Variants in TRIM37 observed in about 807,000 individuals in gnomAD.
TRIM37 encodes the protein E3 ubiquitin-protein ligase TRIM37.
Under a neutral mutation model 129.8 loss-of-function variants are expected in TRIM37, and 80 were observed. The observed-to-expected ratio is 0.62, with a 90% confidence interval of 0.51 to 0.74. The LOEUF is 0.74. TRIM37 is among the 30% of genes least tolerant of loss of function. The pLI, the probability that TRIM37 is intolerant of heterozygous loss-of-function variation, is 0.00. For missense variants in TRIM37, 1,054 were observed against 1,176.5 expected (o/e 0.90, Z 1.52); for synonymous variants, 389 against 387.1 (o/e 1.00, Z -0.06).
At chr17:59,088,104 CTG>C (rs781423523) in intron 4 of TRIM37, 185 bp downstream of exon 4, 54 of 617,028 alleles carry the variant, frequency 8.8e-5, no homozygotes, top group Non-Finnish European at 1.5e-4. Flanking sequence ...CATGAAATAA[CTG>C]TTGTTAAATA....
At chr17:59,091,576 T>TATAA (rs1322904700) in intron 2 of TRIM37, among the ~76,000 whole-genome samples, 2 of 120,104 alleles carry the variant, frequency 1.7e-5, no homozygotes, top group Non-Finnish European at 3.3e-5. Context: ...ATAATATATA[T>TATAA]AATGTATAAT....
downstream of TRIM37, among the ~76,000 whole-genome samples, chr17:58,978,853 G>A (rs2031188207): frequency 6.6e-6 from 1 of 152,110 alleles, no homozygotes; most frequent in Non-Finnish European, 1.5e-5. Context: ...GAAGTGCTCT[G>A]GATCTGAAAG....
At position 59,088,333 on chromosome 17, in the gene TRIM37, T is replaced by G; in HGVS notation, c.239A>C (p.Gln80Pro). 1.2e-6 allele frequency: 2 copies of G among 1,613,766 alleles called. No homozygotes were observed. Among genetic ancestry groups the G allele is most frequent in the Non-Finnish European group, 1.7e-6 (2 of 1,179,764 alleles). The change falls in exon 4 of 24, where the codon CAA becomes CCA. Residue 80 changes from glutamine to proline, a missense_variant. Around this residue, in one of 3 missense-constraint regions of TRIM37, gnomAD observed 752 missense variants for 870.8 expected, o/e 0.86. Transcript: ENST00000262294. Reference protein sequence around the residue: ...EEVTQQLDTLQLCSLTKHEEN... With the variant: ...EEVTQQLDTLPLCSLTKHEEN... ...TTCATGTTTGGTGAGACTGCAGAGT[T>G]GAAGAGTATCAAGCTGTTGTGTTAC...
intron 15 of TRIM37, 131 bp downstream of exon 15, chr17:59,049,047 C>T: frequency 2.7e-6 from 2 of 744,398 alleles, no homozygotes; most frequent in East Asian, 2.7e-5. Context: ...TAAGGGCATA[C>T]ATACATTACT....
At chr17:59,020,960 C>G (rs1049553037) in intron 19 of TRIM37, among the ~76,000 whole-genome samples, 11 of 152,194 alleles carry the variant, frequency 7.2e-5, no homozygotes, top group African/African-American at 1.7e-4. Flanking sequence ...TATGATCCAG[C>G]AATCCCACTG....
chr17:59,001,151 C>T (rs986465004), intron 23 of TRIM37, among the ~76,000 whole-genome samples: 13 of 148,730 alleles, frequency 8.7e-5, no homozygotes, highest in African/African-American at 1.5e-4. Flanking sequence ...GCCAAGATCA[C>T]GCCACAGCAC....
At chr17:59,003,922 T>TAACA (rs1555634218) in intron 22 of TRIM37, among the ~76,000 whole-genome samples, 11 of 89,580 alleles carry the variant, frequency 1.2e-4, no homozygotes, top group Non-Finnish European at 2.0e-4. Flanking sequence ...CCCATCTCTA[T>TAACA]AAAAAAAAAA....
intron 2 of TRIM37, among the ~76,000 whole-genome samples, chr17:59,091,855 T>G (rs1227399288): frequency 6.6e-6 from 1 of 151,370 alleles, no homozygotes; most frequent in African/African-American, 2.4e-5. Flanking sequence ...CAGGACTAAC[T>G]GATTCTCACA....
downstream of TRIM37, among the ~76,000 whole-genome samples, chr17:58,979,719 G>A (rs1056335882): frequency 1.3e-5 from 2 of 152,224 alleles, no homozygotes; most frequent in Admixed American, 6.5e-5. Context: ...AGCCAGAGGT[G>A]CAGATTCAGA....
intron 12 of TRIM37, among the ~76,000 whole-genome samples, chr17:59,057,610 GC>G (rs936551005): frequency 1.3e-5 from 2 of 152,146 alleles, no homozygotes; most frequent in Admixed American, 6.5e-5. Flanking sequence ...TGCAACCTCT[GC>G]CCCCCAGTTC....
At chr17:59,044,387 C>T (rs1300224303) in intron 16 of TRIM37, among the ~76,000 whole-genome samples, 4 of 151,856 alleles carry the variant, frequency 2.6e-5, no homozygotes, top group Admixed American at 2.6e-4. Flanking sequence ...ATTGCAAAAC[C>T]CTGTCTCTAC....
intron 24 of TRIM37, among the ~76,000 whole-genome samples, chr17:58,987,418 G>C (rs2031921290): frequency 6.6e-6 from 1 of 152,146 alleles, no homozygotes; most frequent in Admixed American, 6.5e-5. Flanking sequence ...GAAGGTCTCG[G>C]GCAAGGACTC....
chr17:59,095,959 A>G (rs2044813801), intron 2 of TRIM37, among the ~76,000 whole-genome samples: 1 of 152,116 alleles, frequency 6.6e-6, no homozygotes, highest in Admixed American at 6.6e-5. Context: ...GGCTCAAACA[A>G]TCCTCCATCT....
intron 3 of TRIM37, among the ~76,000 whole-genome samples, chr17:59,088,836 TAAAA>T (rs1037373593): frequency 1.3e-5 from 2 of 149,580 alleles, no homozygotes; most frequent in Admixed American, 6.7e-5. Flanking sequence ...AAATAAAAAA[TAAAA>T]AAAAAGACAA....
chr17:59,054,624 G>A (rs2146284620), intron 13 of TRIM37, among the ~76,000 whole-genome samples: 1 of 150,414 alleles, frequency 6.6e-6, no homozygotes, highest in South Asian at 2.1e-4. Flanking sequence ...CTTCTGACCT[G>A]TAAAGACTAC....
intron 22 of TRIM37, among the ~76,000 whole-genome samples, chr17:59,007,231 CCACA>C (rs35675752): frequency 1.0e-5 from 1 of 97,500 alleles, no homozygotes; most frequent in Non-Finnish European, 2.0e-5. Context: ...CCCCACCCAC[CCACA>C]CACACACACA....
intron 9 of TRIM37, among the ~76,000 whole-genome samples, chr17:59,066,703 A>C (rs930866306): frequency 1.3e-4 from 20 of 152,208 alleles, no homozygotes; most frequent in Non-Finnish European, 2.2e-4. Context: ...ACATTCTCCT[A>C]GGGAAAATTT....
chr17:59,047,968 A>G, intron 15 of TRIM37, 149 bp from the exon 16 acceptor site: 1 of 893,780 alleles, frequency 1.1e-6, no homozygotes, highest in Non-Finnish European at 1.8e-6. Flanking sequence ...TGAGCCCTGT[A>G]GAGAAAAATC....
At position 59,004,706 on chromosome 17, in the gene TRIM37, T is replaced by C. The variant is rs570137347; in HGVS notation, c.2696-2992A>G. Among the ~76,000 whole-genome samples the C allele has an allele frequency of 7.9e-5, 12 of 152,328 alleles. No individual in the cohort carries two copies. The East Asian group carries it at 2.3e-3, about 29-fold the overall frequency. On this transcript the variant is annotated intron_variant, in intron 22 of 23. Coordinates refer to ENST00000262294, the MANE Select transcript of TRIM37 (RefSeq NM_015294.6). ...CAGATGAAATGAGCAAATTCTTTCCTAGGTACAAACTACCAAAGGTTACTC... is the reference window on the plus strand; with the variant it reads ...CAGATGAAATGAGCAAATTCTTTCCCAGGTACAAACTACCAAAGGTTACTC...
Sources: gnomAD v4.1 joint callset for allele counts (sites outside exome capture counted in the v4.1 genomes callset) on GRCh38, gnomAD v4.1.1 for gene constraint, gnomAD v4.1.1 regional missense constraint, MANE v1.5 for transcripts, NCBI Gene and HGNC (gene_info 2026-07-23, HGNC 2026-07-21) for gene names.